Variants in FXYD5 observed in about 807,000 individuals in gnomAD.
The protein encoded by FXYD5 is FXYD domain containing ion transport regulator 5, also known as FXYD domain-containing ion transport regulator 5.
FXYD5 carries 21 observed loss-of-function variants against 25.7 expected under a neutral mutation model. The ratio of observed to expected loss-of-function variants is 0.82; its 90% CI spans 0.58 to 1.18. FXYD5 has a LOEUF of 1.18. FXYD5 is among the 50% of genes most tolerant of loss of function. FXYD5 has a pLI of 0.00. For missense variants in FXYD5, 229 were observed against 227.7 expected (o/e 1.01, Z -0.04); for synonymous variants, 101 against 90.7 (o/e 1.11, Z -0.64).
chr19:35,169,675 G>A lies in FXYD5; in HGVS notation c.*60G>A, dbSNP rs780748625. 66 of 1,085,316 alleles carry A rather than the reference G, an allele frequency of 6.1e-5. No individual in the cohort carries two copies. Among genetic ancestry groups the A allele is most frequent in the Middle Eastern group, 2.2e-4 (1 of 4,606 alleles). The allele number at this position is 1,085,316 out of a possible 1,614,324, so 67.2% of individuals were successfully genotyped here. A position where few individuals can be genotyped will look rare whatever the true frequency, so the allele number is the denominator to read the frequency against. On this transcript the variant is annotated 3_prime_UTR_variant, in exon 9 of 9. Transcript: ENST00000392219. ...CACCCGAAGACCAAGCCCCCTGCCA[G>A]CTCACCGTGCCCAGCCTCCTGCATC...
chr19:35,155,413 C>T, intron 1 of FXYD5, 138 bp from the exon 2 acceptor site: 3 of 709,528 alleles, frequency 4.2e-6, no homozygotes, highest in Non-Finnish European at 5.0e-6. Context: ...CTGAGGCCAG[C>T]CGTCAGCCCC....
At chr19:35,156,982 G>A (rs776837371) in intron 2 of FXYD5, 16 of 169,418 alleles carry the variant, frequency 9.4e-5, no homozygotes, top group East Asian at 9.2e-4. Flanking sequence ...ATGGTAAGCC[G>A]TGTGGGAGAC....
intron 1 of FXYD5, 80 bp from the exon 2 acceptor site, chr19:35,155,471 G>A (rs2065344687): frequency 2.6e-6 from 3 of 1,175,280 alleles, no homozygotes; most frequent in African/African-American, 1.5e-5. Flanking sequence ...GGCAGGGAAA[G>A]GGCTGCAGGA....
intron 4 of FXYD5, 144 bp from the exon 5 acceptor site, chr19:35,160,565 C>A: frequency 1.6e-6 from 1 of 624,262 alleles, no homozygotes; most frequent in Admixed American, 2.4e-5. Flanking sequence ...AGGCTGGTCT[C>A]GAACTCCCGA....
chr19:35,167,725 T>C (rs11084802), intron 8 of FXYD5, among the ~76,000 whole-genome samples: 29,063 of 151,924 alleles, frequency 0.19, 2,920 homozygotes, highest in East Asian at 0.28. Context: ...GAGGCAGAAT[T>C]CTAACAATCA....
At chr19:35,166,362 C>T (rs766588841) in intron 8 of FXYD5, 37 bp downstream of exon 8, 4 of 1,330,422 alleles carry the variant, frequency 3.0e-6, no homozygotes, top group South Asian at 2.7e-5. Flanking sequence ...ACACCAAGAC[C>T]AGGAGGGGGA....
chr19:35,158,229 C>G (rs990823041), intron 3 of FXYD5, 115 bp from the exon 4 acceptor site: 8 of 734,992 alleles, frequency 1.1e-5, no homozygotes, highest in Non-Finnish European at 1.8e-5. Context: ...TAAGCCATTT[C>G]TATTACATTA....
intron 5 of FXYD5, 102 bp from the exon 6 acceptor site, chr19:35,164,054 T>C: frequency 6.3e-7 from 1 of 1,584,360 alleles, no homozygotes. Flanking sequence ...GCTGTGTAGA[T>C]GTGGGAGAGG....
At chr19:35,159,773 G>C (rs1035253067) in intron 4 of FXYD5, 9 of 1,149,136 alleles carry the variant, frequency 7.8e-6, no homozygotes, top group Non-Finnish European at 1.1e-5. Flanking sequence ...GGAAACAGAG[G>C]CTGTGAGTAA....
intron 5 of FXYD5, among the ~76,000 whole-genome samples, chr19:35,163,377 G>T (rs1600507491): frequency 6.6e-6 from 1 of 151,616 alleles, no homozygotes; most frequent in South Asian, 2.1e-4. Context: ...CTCAGTGCTT[G>T]GGGGAGGCCT....
In FXYD5 at chr19:35,161,988, A is replaced by C. The variant is rs562967882; in HGVS notation, c.292+1187A>C. On this transcript the variant is annotated intron_variant, in intron 5 of 8. Coordinates refer to ENST00000392219, the MANE Select transcript of FXYD5 (RefSeq NM_014164.6). Reference sequence around the variant, plus strand: ...ATTAAAACAATCCTACAATGGATGGAAATAAAGTGCTTTACAGAAGGGAAC... The same window carrying C: ...ATTAAAACAATCCTACAATGGATGGCAATAAAGTGCTTTACAGAAGGGAAC... Among the ~76,000 whole-genome samples, 4 of 152,352 alleles carry C rather than the reference A, an allele frequency of 2.6e-5. No individual in the cohort carries two copies. The East Asian group carries it at 7.7e-4, about 29-fold the overall frequency.
intron 5 of FXYD5, among the ~76,000 whole-genome samples, chr19:35,163,316 C>T (rs1346851445): frequency 1.3e-5 from 2 of 151,832 alleles, no homozygotes; most frequent in Non-Finnish European, 2.9e-5. Flanking sequence ...GAGGGAGCTT[C>T]TCTGTCTGCT....
chr19:35,165,521 G>T (rs1405709178), intron 6 of FXYD5, among the ~76,000 whole-genome samples: 1 of 152,010 alleles, frequency 6.6e-6, no homozygotes, highest in Non-Finnish European at 1.5e-5. Flanking sequence ...CTTGGTTTTG[G>T]TGGGTTTTAA....
chr19:35,163,375 T>C (rs2065422022), intron 5 of FXYD5, among the ~76,000 whole-genome samples: 1 of 151,356 alleles, frequency 6.6e-6, no homozygotes, highest in Non-Finnish European at 1.5e-5. Context: ...TTCTCAGTGC[T>C]TGGGGGAGGC....
intron 4 of FXYD5, chr19:35,159,745 TC>T: frequency 7.4e-7 from 1 of 1,346,490 alleles, no homozygotes; most frequent in South Asian, 1.6e-5. Flanking sequence ...ATTACCATTG[TC>T]CCCATTTTAC....
intron 4 of FXYD5, chr19:35,159,787 G>A (rs2065388750): frequency 2.0e-6 from 2 of 999,966 alleles, no homozygotes; most frequent in Admixed American, 6.2e-5. Context: ...TGAGTAACTG[G>A]TTCAAGGTCT....
chr19:35,159,468 C>G, intron 4 of FXYD5: 2 of 1,545,102 alleles, frequency 1.3e-6, no homozygotes, highest in African/African-American at 1.4e-5. Context: ...TCTCACATCA[C>G]TGCATAAAGA....
rs1471479625 is a variant in FXYD5, at chr19:35,166,278, T to C, written c.440T>C (p.Leu147Pro). The C allele has an allele frequency of 6.2e-7, 1 of 1,610,020 alleles. No homozygotes were observed. Among genetic ancestry groups the C allele is most frequent in the Non-Finnish European group, 8.5e-7 (1 of 1,177,530 alleles). Residue 147 changes from leucine to proline, a missense_variant, in exon 8 of 9, where the codon CTG (leucine) becomes CCG (proline). Physicochemically the swap from Leu to Pro is moderately conservative, Grantham distance 98 (BLOSUM62 -3). Transcript: ENST00000392219. ...YDEHTLRKRGLLVAAVLFITG... is the reference protein window; with the variant it reads ...YDEHTLRKRGPLVAAVLFITG... The stretch of plus-strand genomic sequence containing the variant: ...GAACACACCCTCCGGAAACGGGGGC[T>C]GTTGGTCGCAGCTGTGCTGTTCATC...
At chr19:35,167,407 G>A (rs1019573471) in intron 8 of FXYD5, among the ~76,000 whole-genome samples, 2 of 152,160 alleles carry the variant, frequency 1.3e-5, no homozygotes, top group Non-Finnish European at 2.9e-5. Context: ...ACCAAACCAG[G>A]AGGGAGCAGG....
Sources: gnomAD v4.1 joint callset for allele counts (sites outside exome capture counted in the v4.1 genomes callset) on GRCh38, gnomAD v4.1.1 for gene constraint, MANE v1.5 for transcripts, NCBI Gene and HGNC (gene_info 2026-07-23, HGNC 2026-07-21) for gene names.